NSUN3: variants seen among roughly 807,000 people sequenced by gnomAD.
NSUN3 encodes tRNA (cytosine(34)-C(5))-methyltransferase, mitochondrial.
In NSUN3, 24 loss-of-function variants were observed where a neutral mutation model predicts 36.8. The ratio of observed to expected loss-of-function variants is 0.65; its 90% CI spans 0.47 to 0.92. The LOEUF (loss-of-function observed/expected upper bound fraction) is 0.92. Among genes scored for constraint, NSUN3 ranks in the 40% least tolerant of loss-of-function variants. The pLI, the probability that NSUN3 is intolerant of heterozygous loss-of-function variation, is 0.00. For synonymous variants in NSUN3, 146 were observed against 145.2 expected, an observed-to-expected ratio of 1.01 and a Z score of -0.04; for missense variants, 381 against 392.8, an observed-to-expected ratio of 0.97 and a Z score of 0.25.
chr3:94,114,815 C>T (rs1030228351), intron 5 of NSUN3, among the ~76,000 whole-genome samples: 10 of 152,120 alleles, frequency 6.6e-5, no homozygotes, highest in African/African-American at 2.4e-4. Context: ...TCTTTATGTC[C>T]GTGAGTACAC....
chr3:94,130,770 C>T lies in NSUN3; in HGVS notation c.*4280C>T, dbSNP rs1224363400. ...ATGATTGAGAATTACCAGATAAATC[C>T]TCCAAATCCATTTCTCCAGAAACCT... On this transcript the variant is annotated 3_prime_UTR_variant, in exon 6 of 6. Coordinates refer to ENST00000314622, the MANE Select transcript of NSUN3 (RefSeq NM_022072.5). Among the ~76,000 whole-genome samples, 2 of 152,134 alleles carry T rather than the reference C, an allele frequency of 1.3e-5. No individual in the cohort carries two copies. Among genetic ancestry groups the T allele is most frequent in the African/African-American group, 4.8e-5 (2 of 41,436 alleles).
In NSUN3 at chr3:94,126,228, T is replaced by C; in HGVS notation, c.761T>C (p.Leu254Ser). The change falls in exon 6 of 6, where the codon TTA (leucine) becomes TCA (serine). Residue 254 changes from leucine to serine, a missense_variant. Leu to Ser is a moderately radical substitution (Grantham distance 145). Transcript: ENST00000314622. ...GCACACAGGTCTGCAATTAAGGCCTTACGTCCTGGAGGGATACTTGTATAC... is the reference window on the plus strand; with the variant it reads ...GCACACAGGTCTGCAATTAAGGCCTCACGTCCTGGAGGGATACTTGTATAC... ...IELLRSAIKA[L>S]RPGGILVYST... 1 of 1,612,680 alleles carries C rather than the reference T, an allele frequency of 6.2e-7. No homozygotes were observed. The highest frequency in any genetic ancestry group is 2.2e-5 in the East Asian group (1 of 44,850).
At chr3:94,121,480 G>A (rs2077461618) in intron 5 of NSUN3, among the ~76,000 whole-genome samples, 1 of 152,180 alleles carries the variant, frequency 6.6e-6, no homozygotes, top group South Asian at 2.1e-4. Context: ...CTTGCTTACA[G>A]GTTCTGGGGA....
At chr3:94,084,487 A>G (rs2077284390) in intron 3 of NSUN3, 37 bp downstream of exon 3, 4 of 1,455,062 alleles carry the variant, frequency 2.7e-6, no homozygotes, top group African/African-American at 1.4e-5. Context: ...ACAACTTTTT[A>G]ATATCTGTAT....
chr3:94,117,979 A>G (rs2077447130), intron 5 of NSUN3, among the ~76,000 whole-genome samples: 1 of 152,200 alleles, frequency 6.6e-6, no homozygotes, highest in South Asian at 2.1e-4. Context: ...AAGTTGTTTA[A>G]TGGGTACAAA....
chr3:94,107,588 AT>A (rs954404065), intron 5 of NSUN3, among the ~76,000 whole-genome samples: 2 of 149,822 alleles, frequency 1.3e-5, no homozygotes, highest in Non-Finnish European at 1.5e-5. Context: ...TGCCCGGCTA[AT>A]TTTTTTTTTA....
In NSUN3 at chr3:94,084,330, C is replaced by G. The variant is rs1381653972; in HGVS notation, c.346C>G (p.Leu116Val). 1 of 1,614,090 alleles carries G rather than the reference C, an allele frequency of 6.2e-7. No individual in the cohort carries two copies. Among genetic ancestry groups the G allele is most frequent in the African/African-American group, 1.3e-5 (1 of 75,026 alleles). Residue 116 changes from leucine (L) to valine (V), a missense_variant, in exon 3 of 6, where the codon CTA becomes GTA. Leu to Val is a conservative substitution (Grantham distance 32). Transcript: ENST00000314622. The part of the protein sequence containing the change: ...QIGNLKKYYL[L>V]NAASLLPVLA... ...TGGAAACCTGAAAAAATATTATCTC[C>G]TAAATGCTGCTTCTCTTCTCCCAGT...
chr3:94,081,555 G>A (rs1338824615), intron 2 of NSUN3: 2 of 152,154 alleles, frequency 1.3e-5, no homozygotes, highest in African/African-American at 4.8e-5. Flanking sequence ...CTGTGTGCTT[G>A]TACATGTGGT....
At chr3:94,115,204 A>C (rs2077434737) in intron 5 of NSUN3, among the ~76,000 whole-genome samples, 1 of 152,216 alleles carries the variant, frequency 6.6e-6, no homozygotes, top group South Asian at 2.1e-4. Flanking sequence ...GCTTTCTGAA[A>C]TATTAATTGA....
At position 94,129,598 on chromosome 3, in the gene NSUN3, A is replaced by G. The variant is rs2077501531; in HGVS notation, c.*3108A>G. On this transcript the variant is annotated 3_prime_UTR_variant, in exon 6 of 6. Transcript: ENST00000314622. ...TGTACCCCAAACCTCAGCATCATCC[A>G]GTATACCCATGTAACACACCTGTTC... is the stretch of plus-strand genomic sequence containing the variant. Among the ~76,000 whole-genome samples the G allele has an allele frequency of 1.3e-5, 2 of 152,170 alleles. No individual in the cohort carries two copies. Among genetic ancestry groups the G allele is most frequent in the African/African-American group, 2.4e-5 (1 of 41,438 alleles).
chr3:94,126,436 G>A lies in NSUN3; in HGVS notation c.969G>A (p.Trp323Ter). 6.2e-7 allele frequency: 1 copy of A among 1,613,940 alleles called. No individual in the cohort carries two copies. Among genetic ancestry groups the A allele is most frequent in the Non-Finnish European group, 8.5e-7 (1 of 1,179,848 alleles). Reference sequence around the variant, plus strand: ...TGATTCCAGATAAGGGCAAAGCCTGGGGCCCAATGTATGTAGCCAAATTGA... The same window carrying A: ...TGATTCCAGATAAGGGCAAAGCCTGAGGCCCAATGTATGTAGCCAAATTGA... Reference protein sequence around the residue: ...LLVIPDKGKAWGPMYVAKLKK... With the variant: ...LLVIPDKGKA The change falls in exon 6 of 6, where the codon TGG (tryptophan) becomes TGA (stop). Residue 323 changes from tryptophan to a stop codon, truncating the protein, a stop_gained. Transcript: ENST00000314622. LOFTEE classifies it high-confidence loss of function.
At chr3:94,093,581 C>T (rs377200657) in intron 3 of NSUN3, among the ~76,000 whole-genome samples, 1 of 151,694 alleles carries the variant, frequency 6.6e-6, no homozygotes, top group Admixed American at 6.6e-5. Context: ...TGCTTTGGGT[C>T]TTCTGAGTGC....
intron 2 of NSUN3, among the ~76,000 whole-genome samples, chr3:94,077,620 G>A (rs983861309): frequency 5.3e-5 from 8 of 152,156 alleles, no homozygotes; most frequent in Non-Finnish European, 1.2e-4. Context: ...TTCAGAACTT[G>A]TTATTGGTCT....
At chr3:94,107,471 A>G (rs1252667621) in intron 5 of NSUN3, among the ~76,000 whole-genome samples, 1 of 148,168 alleles carries the variant, frequency 6.7e-6, no homozygotes, top group Non-Finnish European at 1.5e-5. Flanking sequence ...TTTTTTGTAG[A>G]AACAGGGGTC....
chr3:94,096,122 C>G (rs924067196), intron 5 of NSUN3, among the ~76,000 whole-genome samples: 1 of 152,058 alleles, frequency 6.6e-6, no homozygotes, highest in Non-Finnish European at 1.5e-5. Context: ...CACTCATTAC[C>G]TCTTGCACGT....
Position 94,064,303 on chromosome 3 carries a change from G to C in NSUN3, c.13-134G>C, listed in dbSNP as rs567854795. ...AATGTACAGTTTTGGTACATGTAAGGTATTGCTTCCATTTCAAGAACTAGT... is the reference window on the plus strand; with the variant it reads ...AATGTACAGTTTTGGTACATGTAAGCTATTGCTTCCATTTCAAGAACTAGT... On this transcript the variant is annotated intron_variant, in intron 1 of 5. Transcript: ENST00000314622. 2.5e-4 allele frequency: 154 copies of C among 627,804 alleles called. No individual in the cohort carries two copies. The African/African-American group carries it at 2.7e-3, about 11-fold the overall frequency. The allele number at this position is 627,804 out of a possible 1,614,324, so 38.9% of individuals were successfully genotyped here. A position where few individuals can be genotyped will look rare whatever the true frequency, so the allele number is the denominator to read the frequency against.
Position 94,130,829 on chromosome 3 carries a change from C to G in NSUN3, c.*4339C>G, listed in dbSNP as rs1169168127. The stretch of plus-strand genomic sequence containing the variant: ...CCACACAGTGGGAGCCTTGTTTGAC[C>G]TTTTTTAACCTTTCCTGGTCAGGTG... On this transcript the variant is annotated 3_prime_UTR_variant, in exon 6 of 6. Coordinates refer to ENST00000314622, the MANE Select transcript of NSUN3 (RefSeq NM_022072.5). Among the ~76,000 whole-genome samples, 1 of 152,128 alleles carries G rather than the reference C, an allele frequency of 6.6e-6. No homozygotes were observed. The highest frequency in any genetic ancestry group is 1.5e-5 in the Non-Finnish European group (1 of 68,016).
rs1410954874 is a variant in NSUN3, at chr3:94,129,360, G to T, written c.*2870G>T. Among the ~76,000 whole-genome samples, 1 of 152,218 alleles carries T rather than the reference G, an allele frequency of 6.6e-6. No individual in the cohort carries two copies. Among genetic ancestry groups the T allele is most frequent in the Non-Finnish European group, 1.5e-5 (1 of 68,038 alleles). ...AAATAATGTCTTTTGCAACAACATGGATGCAGCTGGATGCTTTTATCCTAA... is the reference window on the plus strand; with the variant it reads ...AAATAATGTCTTTTGCAACAACATGTATGCAGCTGGATGCTTTTATCCTAA... On this transcript the variant is annotated 3_prime_UTR_variant, in exon 6 of 6. Transcript: ENST00000314622.
At chr3:94,088,285 T>A (rs1576087947) in intron 3 of NSUN3, among the ~76,000 whole-genome samples, 3 of 152,204 alleles carry the variant, frequency 2.0e-5, no homozygotes, top group Admixed American at 6.5e-5. Flanking sequence ...CCTCTGCTTT[T>A]CAAACTTTTT....
Sources: gnomAD v4.1 joint callset for allele counts (sites outside exome capture counted in the v4.1 genomes callset) on GRCh38, gnomAD v4.1.1 for gene constraint, MANE v1.5 for transcripts, NCBI Gene and HGNC (gene_info 2026-07-23, HGNC 2026-07-21) for gene names.